The following DEGS1 variants were observed in gnomAD, a reference collection of about 807,000 sequenced individuals.
The protein encoded by DEGS1 is sphingolipid delta(4)-desaturase DES1.
A neutral mutation model predicts 24.1 loss-of-function variants in DEGS1; 17 were observed. The observed-to-expected ratio is 0.70, with a 90% CI of 0.48 to 1.06. DEGS1 has a LOEUF of 1.06. Among genes scored for constraint, DEGS1 ranks in the 50% least tolerant of loss-of-function variants. The pLI is 0.00. For missense variants in DEGS1, 366 were observed against 408.9 expected, an observed-to-expected ratio of 0.90 and a Z score of 0.91; for synonymous variants, 134 against 140.0, an observed-to-expected ratio of 0.96 and a Z score of 0.30.
Position 224,183,422 on chromosome 1 carries a change from A to G in DEGS1, c.82+4A>G, listed in dbSNP as rs1658285819. Reference sequence around the variant, plus strand: ...GACCGGCGCCGGGAGATCCTGGGTGAGGGCCAGCGGGCGCCCCGTTATGTG... The same window carrying G: ...GACCGGCGCCGGGAGATCCTGGGTGGGGGCCAGCGGGCGCCCCGTTATGTG... On this transcript the variant is annotated splice_donor_region_variant and intron_variant, in intron 1 of 2. Transcript: ENST00000323699. 1.4e-6 allele frequency: 2 copies of G among 1,401,170 alleles called. No homozygotes were observed. The highest frequency in any genetic ancestry group is 1.9e-6 in the Non-Finnish European group (2 of 1,067,290). 86.8% of individuals were successfully genotyped at this position (1,401,170 alleles called of 1,614,324 possible).
chr1:224,185,060 A>G (rs1474607392), intron 1 of DEGS1, among the ~76,000 whole-genome samples: 5 of 151,986 alleles, frequency 3.3e-5, no homozygotes, highest in East Asian at 3.9e-4. Context: ...TTCCTTATAT[A>G]TAGTATTTCC....
chr1:224,183,664 G>C, intron 1 of DEGS1: 1 of 317,160 alleles, frequency 3.2e-6, no homozygotes, highest in East Asian at 5.0e-5. Flanking sequence ...AGAGGCGCAG[G>C]CGCGTCCCCG....
chr1:224,183,252 G>T lies in DEGS1; in HGVS notation c.-85G>T, dbSNP rs549827560. The T allele has an allele frequency of 1.0e-5, 13 of 1,279,892 alleles. 1 individual carries two copies. The South Asian group carries it at 1.5e-4, about 15-fold the overall frequency. 79.3% of individuals were successfully genotyped at this position (1,279,892 alleles called of 1,614,324 possible). ...ACAGCCGGCCGACACCACACCAGCC[G>T]GGGAGCCGCCGCCGCCGCCGCCACC... On this transcript the variant is annotated 5_prime_UTR_variant, in exon 1 of 3. Transcript: ENST00000323699.
At chr1:224,188,999 G>T (rs969403912) in intron 1 of DEGS1, among the ~76,000 whole-genome samples, 1 of 152,020 alleles carries the variant, frequency 6.6e-6, no homozygotes, top group Non-Finnish European at 1.5e-5. Flanking sequence ...GTAAGGTAGG[G>T]GTCTGAATCC....
chr1:224,187,490 C>T (rs1658425135), intron 1 of DEGS1, among the ~76,000 whole-genome samples: 1 of 152,036 alleles, frequency 6.6e-6, no homozygotes, highest in Non-Finnish European at 1.5e-5. Context: ...TCCTAAGTAG[C>T]TGGGACTACA....
At chr1:224,184,053 G>A (rs1658311339) in intron 1 of DEGS1, among the ~76,000 whole-genome samples, 2 of 152,230 alleles carry the variant, frequency 1.3e-5, no homozygotes, top group South Asian at 2.1e-4. Context: ...GGTTCACGCC[G>A]CTTGTCCCAT....
At chr1:224,191,291 G>A (rs970904832) in intron 2 of DEGS1, 1 of 151,824 alleles carries the variant, frequency 6.6e-6, no homozygotes, top group African/African-American at 2.4e-5. Context: ...TCGGGAGGCT[G>A]AGGCGGGAGA....
intron 1 of DEGS1, chr1:224,183,704 G>T: frequency 3.6e-6 from 1 of 276,568 alleles, no homozygotes; most frequent in Non-Finnish European, 6.8e-6. Context: ...GGCCCACGCC[G>T]GCCGGTTGGG....
At chr1:224,185,222 C>G (rs1157515131) in intron 1 of DEGS1, among the ~76,000 whole-genome samples, 1 of 152,080 alleles carries the variant, frequency 6.6e-6, no homozygotes, top group African/African-American at 2.4e-5. Flanking sequence ...AACTCCTGGG[C>G]TCAAGCAATC....
chr1:224,192,124 G>A (rs895299088), intron 2 of DEGS1, among the ~76,000 whole-genome samples: 3 of 151,638 alleles, frequency 2.0e-5, no homozygotes, highest in East Asian at 1.9e-4. Flanking sequence ...AGGGTCGAGT[G>A]TATTCAACTG....
chr1:224,190,204 T>C lies in DEGS1; in HGVS notation c.710T>C (p.Leu237Ser), dbSNP rs917122489. 47 of 1,541,530 alleles carry C rather than the reference T, an allele frequency of 3.0e-5. No individual in the cohort carries two copies. Among genetic ancestry groups the C allele is most frequent in the Non-Finnish European group, 3.7e-5 (42 of 1,148,734 alleles). Residue 237 changes from leucine (L) to serine (S), a missense_variant, in exon 2 of 3, where the codon TTA becomes TCA. Leu to Ser is a moderately radical substitution (Grantham distance 145). Coordinates refer to ENST00000323699, the MANE Select transcript of DEGS1 (RefSeq NM_003676.4). ...GHFIAEHYMFLKGHETYSYYG... is the reference protein window; with the variant it reads ...GHFIAEHYMFSKGHETYSYYG... ...TTTATAGCTGAGCATTACATGTTCTTAAAGGGTCATGAAACTTACTCATAT... is the reference window on the plus strand; with the variant it reads ...TTTATAGCTGAGCATTACATGTTCTCAAAGGGTCATGAAACTTACTCATAT...
Position 224,183,395 on chromosome 1 carries a change from C to T in DEGS1, c.59C>T (p.Ala20Val). ...TGGGTCTACACCGACCAGCCGCACG[C>T]CGACCGGCGCCGGGAGATCCTGGGT... Reference protein sequence around the residue: ...FEWVYTDQPHADRRREILAKY... With the variant: ...FEWVYTDQPHVDRRREILAKY... The change falls in exon 1 of 3, where the codon GCC becomes GTC. Residue 20 changes from alanine to valine, a missense_variant. Coordinates refer to ENST00000323699, the MANE Select transcript of DEGS1 (RefSeq NM_003676.4). 7.0e-7 allele frequency: 1 copy of T among 1,431,468 alleles called. No individual in the cohort carries two copies. Among genetic ancestry groups the T allele is most frequent in the Non-Finnish European group, 9.2e-7 (1 of 1,082,778 alleles). The allele number at this position is 1,431,468 out of a possible 1,614,324, so 88.7% of individuals were successfully genotyped here.
chr1:224,183,535 C>G, intron 1 of DEGS1, 117 bp downstream of exon 1: 3 of 772,058 alleles, frequency 3.9e-6, no homozygotes, highest in Non-Finnish European at 5.2e-6. Flanking sequence ...GCAGCCTGCT[C>G]CCCGTCGCGT....
chr1:224,192,216 A>T, intron 2 of DEGS1, 116 bp from the exon 3 acceptor site: 2 of 723,684 alleles, frequency 2.8e-6, no homozygotes, highest in East Asian at 3.1e-5. Flanking sequence ...AAGAGAGAGG[A>T]GGGAGGCAGG....
intron 1 of DEGS1, among the ~76,000 whole-genome samples, chr1:224,186,480 A>G (rs960601570): frequency 3.2e-4 from 49 of 152,180 alleles, no homozygotes; most frequent in Admixed American, 4.6e-4. Flanking sequence ...TTAGGAGGCT[A>G]AGGTGGGCGG....
intron 1 of DEGS1, among the ~76,000 whole-genome samples, chr1:224,187,987 G>C (rs1658438502): frequency 1.3e-5 from 2 of 150,262 alleles, no homozygotes; most frequent in East Asian, 3.9e-4. Context: ...TAGAGACAGG[G>C]TCCTGTTATG....
chr1:224,191,590 C>CTGTTT (rs1658536997), intron 2 of DEGS1, among the ~76,000 whole-genome samples: 1 of 53,302 alleles, frequency 1.9e-5, no homozygotes, highest in East Asian at 6.6e-4. Context: ...TTGATAAGTG[C>CTGTTT]TTTTTTTTTT....
Position 224,183,248 on chromosome 1 carries a change from A to T in DEGS1, c.-89A>T, listed in dbSNP as rs1447047192. The T allele has an allele frequency of 7.3e-6, 9 of 1,233,318 alleles. No individual in the cohort carries two copies. In the East Asian group the frequency reaches 2.9e-4, roughly 40 times the overall value. The allele number at this position is 1,233,318 out of a possible 1,614,324, so 76.4% of individuals were successfully genotyped here. On this transcript the variant is annotated 5_prime_UTR_variant, in exon 1 of 3. Transcript: ENST00000323699. ...CGCCACAGCCGGCCGACACCACACCAGCCGGGGAGCCGCCGCCGCCGCCGC... is the reference window on the plus strand; with the variant it reads ...CGCCACAGCCGGCCGACACCACACCTGCCGGGGAGCCGCCGCCGCCGCCGC...
At chr1:224,187,386 A>G (rs1477046089) in intron 1 of DEGS1, among the ~76,000 whole-genome samples, 1 of 151,586 alleles carries the variant, frequency 6.6e-6, no homozygotes, top group Admixed American at 6.6e-5. Flanking sequence ...TTAATGTTTT[A>G]TTTTTTGAGA....
Sources: allele counts gnomAD v4.1 joint callset (sites outside exome capture counted in the v4.1 genomes callset), GRCh38; gene constraint gnomAD v4.1.1; transcripts MANE v1.5; gene names NCBI Gene and HGNC (gene_info 2026-07-23, HGNC 2026-07-21).